NTNG1: variants seen among roughly 807,000 people sequenced by gnomAD.
NTNG1 encodes the protein netrin G1, also known as netrin-G1.
NTNG1 carries 16 observed loss-of-function variants against 54.0 expected under a neutral mutation model. The ratio of observed to expected loss-of-function variants is 0.30; its 90% CI spans 0.20 to 0.45. The LOEUF (loss-of-function observed/expected upper bound fraction) is 0.45, where lower values mean the gene tolerates loss of function less well. NTNG1 is among the 20% of genes least tolerant of loss of function. NTNG1 has a pLI of 1.00. For missense variants in NTNG1, 530 were observed against 678.7 expected, an observed-to-expected ratio of 0.78 and a Z score of 2.43; for synonymous variants, 255 against 263.1, an observed-to-expected ratio of 0.97 and a Z score of 0.30.
chr1:107,293,175 A>C (rs1307251763), intron 2 of NTNG1, among the ~76,000 whole-genome samples: 1 of 152,224 alleles, frequency 6.6e-6, no homozygotes, highest in Non-Finnish European at 1.5e-5. Context: ...TACAAATATG[A>C]TCACTTAGGG....
intron 2 of NTNG1, among the ~76,000 whole-genome samples, chr1:107,202,866 T>A (rs534058270): frequency 6.6e-6 from 1 of 152,028 alleles, no homozygotes; most frequent in South Asian, 2.1e-4. Context: ...TCAAAAGTTT[T>A]CCCTTTTTCA....
At chr1:107,209,182 C>T (rs1659428531) in intron 2 of NTNG1, among the ~76,000 whole-genome samples, 3 of 151,886 alleles carry the variant, frequency 2.0e-5, no homozygotes, top group African/African-American at 7.3e-5. Context: ...TCTACTCTGT[C>T]CTGACCTCAT....
intron 2 of NTNG1, among the ~76,000 whole-genome samples, chr1:107,320,406 A>G (rs1667584668): frequency 6.6e-6 from 1 of 152,160 alleles, no homozygotes; most frequent in South Asian, 2.1e-4. Flanking sequence ...TTTGTAAGTC[A>G]GAAAAAGTTG....
chr1:107,149,284 C>T (rs1654379629), intron 2 of NTNG1, among the ~76,000 whole-genome samples: 2 of 152,104 alleles, frequency 1.3e-5, no homozygotes, highest in Non-Finnish European at 1.5e-5. Flanking sequence ...CAAGGAGAGA[C>T]TAGATCTCAT....
At position 107,356,812 on chromosome 1, in the gene NTNG1, G is replaced by A. The variant is rs371494672; in HGVS notation, c.887+31890G>A. On this transcript the variant is annotated intron_variant, in intron 3 of 7. Coordinates refer to ENST00000370068, the MANE Select transcript of NTNG1 (RefSeq NM_001113226.3). Reference sequence around the variant, plus strand: ...GAGTTCAGGAGTTTGAGACCAACCTGGACAACATGGCAAAACACTGTCTCT... The same window carrying A: ...GAGTTCAGGAGTTTGAGACCAACCTAGACAACATGGCAAAACACTGTCTCT... Among the ~76,000 whole-genome samples the A allele has an allele frequency of 2.9e-4, 44 of 152,104 alleles. No homozygotes were observed. In the South Asian group the frequency reaches 9.2e-3, roughly 32 times the overall value.
At chr1:107,279,811 G>A (rs1311492366) in intron 2 of NTNG1, among the ~76,000 whole-genome samples, 1 of 151,986 alleles carries the variant, frequency 6.6e-6, no homozygotes, top group African/African-American at 2.4e-5. Flanking sequence ...TATTTTTAAA[G>A]GTGGGGTCTC....
chr1:107,464,092 T>C (rs186981104), intron 7 of NTNG1, among the ~76,000 whole-genome samples: 2 of 152,282 alleles, frequency 1.3e-5, no homozygotes, highest in Admixed American at 6.5e-5. Context: ...GAGTTGTGTG[T>C]TTCTTCCCCT....
chr1:107,476,910 G>A (rs1678369297), intron 7 of NTNG1, among the ~76,000 whole-genome samples: 1 of 152,104 alleles, frequency 6.6e-6, no homozygotes, highest in Non-Finnish European at 1.5e-5. Flanking sequence ...CTTTCAGTTG[G>A]GCTTCAGGCA....
chr1:107,423,559 T>C (rs1449029180), intron 5 of NTNG1, among the ~76,000 whole-genome samples: 1 of 152,102 alleles, frequency 6.6e-6, no homozygotes, highest in Non-Finnish European at 1.5e-5. Flanking sequence ...TCTCAATAAA[T>C]ATGTGTTGCC....
intron 2 of NTNG1, among the ~76,000 whole-genome samples, chr1:107,173,727 C>T (rs189855211): frequency 0.059 from 6,985 of 118,198 alleles, 225 homozygotes; most frequent in African/African-American, 0.13. Context: ...TTCTTTCTTT[C>T]TTTTTTTTTT....
intron 7 of NTNG1, among the ~76,000 whole-genome samples, chr1:107,439,695 G>A (rs758385722): frequency 7.2e-5 from 11 of 152,014 alleles, no homozygotes; most frequent in Non-Finnish European, 1.6e-4. Context: ...TCTTCTGTCA[G>A]TTAGTAAATG....
At chr1:107,267,047 A>G (rs1663790465) in intron 2 of NTNG1, among the ~76,000 whole-genome samples, 2 of 152,184 alleles carry the variant, frequency 1.3e-5, no homozygotes, top group Non-Finnish European at 2.9e-5. Context: ...ATTGTACTAC[A>G]ATGTACAAAA....
In NTNG1 at chr1:107,481,259, G is replaced by T. The variant is rs1678697199; in HGVS notation, c.*419G>T. 5.6e-6 allele frequency: 1 copy of T among 179,600 alleles called. No individual in the cohort carries two copies. Among genetic ancestry groups the T allele is most frequent in the African/African-American group, 2.3e-5 (1 of 42,596 alleles). 11.1% of individuals were successfully genotyped at this position (179,600 alleles called of 1,614,324 possible). ...CAAATAGCATTCTTTGCTGTCAGGT[G>T]CATTGTGGGCATAAGGAAATCTGTT... is the stretch of plus-strand genomic sequence containing the variant. On this transcript the variant is annotated 3_prime_UTR_variant, in exon 8 of 8. Coordinates refer to ENST00000370068, the MANE Select transcript of NTNG1 (RefSeq NM_001113226.3).
intron 7 of NTNG1, among the ~76,000 whole-genome samples, chr1:107,441,877 T>C (rs1039789885): frequency 6.6e-6 from 1 of 151,880 alleles, no homozygotes; most frequent in African/African-American, 2.4e-5. Flanking sequence ...TTAAAAGGAT[T>C]CGAGAGGAGT....
chr1:107,452,082 AT>A (rs1486004164), intron 7 of NTNG1, among the ~76,000 whole-genome samples: 2 of 152,218 alleles, frequency 1.3e-5, no homozygotes, highest in African/African-American at 2.4e-5. Flanking sequence ...CTCTAAAAAA[AT>A]ATTATTACAC....
chr1:107,200,625 A>G (rs1658678053), intron 2 of NTNG1, among the ~76,000 whole-genome samples: 1 of 151,728 alleles, frequency 6.6e-6, no homozygotes, highest in Admixed American at 6.6e-5. Flanking sequence ...AATACTTCAA[A>G]GCCTTTTTAA....
rs540398404 is a variant in NTNG1 at position 107,479,438 on chromosome 1, T to A, written c.1391-1173T>A. Among the ~76,000 whole-genome samples the A allele has an allele frequency of 1.1e-4, 17 of 152,346 alleles. 2 individuals are homozygous for A. In the South Asian group the frequency reaches 3.5e-3, roughly 32 times the overall value. The stretch of plus-strand genomic sequence containing the variant: ...GGTATGTGTATATGAGTGTGTAGTG[T>A]GTTGAACTCATGTGGCATCCCTGGG... On this transcript the variant is annotated intron_variant, in intron 7 of 7. Transcript: ENST00000370068.
At chr1:107,412,034 C>T (rs1208467212) in intron 5 of NTNG1, among the ~76,000 whole-genome samples, 1 of 151,974 alleles carries the variant, frequency 6.6e-6, no homozygotes, top group African/African-American at 2.4e-5. Context: ...CAACAATTGC[C>T]CACCTTGAGC....
At chr1:107,372,187 T>C (rs1429689860) in intron 3 of NTNG1, among the ~76,000 whole-genome samples, 1 of 152,064 alleles carries the variant, frequency 6.6e-6, no homozygotes, top group African/African-American at 2.4e-5. Context: ...TCTGCTTTGG[T>C]ATTCATTAAG....
Sources: allele counts gnomAD v4.1 joint callset (sites outside exome capture counted in the v4.1 genomes callset), GRCh38; gene constraint gnomAD v4.1.1; transcripts MANE v1.5; gene names NCBI Gene and HGNC (gene_info 2026-07-23, HGNC 2026-07-21).